Variants in ABCC1 observed in about 807,000 individuals in gnomAD.
ABCC1 encodes multidrug resistance-associated protein 1.
ABCC1 carries 83 observed loss-of-function variants against 172.9 expected under a neutral mutation model. The observed-to-expected ratio is 0.48, with a 90% confidence interval of 0.40 to 0.58. ABCC1 has a LOEUF of 0.58. Ranked by LOEUF, ABCC1 falls within the 20% of genes least tolerant of loss-of-function variation. The pLI, the probability that ABCC1 is intolerant of heterozygous loss-of-function variation, is 0.00. For synonymous variants in ABCC1, 937 were observed against 825.2 expected (o/e 1.14, Z -2.32); for missense variants, 1,817 against 2,002.7 (o/e 0.91, Z 1.77).
At chr16:16,128,775 G>A (rs1485643990) in intron 26 of ABCC1, among the ~76,000 whole-genome samples, 1 of 152,160 alleles carries the variant, frequency 6.6e-6, no homozygotes, top group Non-Finnish European at 1.5e-5. Context: ...AAGGTGGGTG[G>A]ATCACTTGAA....
chr16:16,075,085 C>G (rs1014178111), intron 14 of ABCC1, among the ~76,000 whole-genome samples: 6 of 151,834 alleles, frequency 4.0e-5, no homozygotes, highest in African/African-American at 1.4e-4. Context: ...GCTGGGACTA[C>G]AGGCATGCGC....
chr16:16,095,537 G>C (rs1338041429), intron 19 of ABCC1, among the ~76,000 whole-genome samples: 2 of 152,112 alleles, frequency 1.3e-5, no homozygotes, highest in Non-Finnish European at 2.9e-5. Context: ...CCCGTGACAG[G>C]GAATCCCCTT....
intron 19 of ABCC1, among the ~76,000 whole-genome samples, chr16:16,102,150 C>G (rs1228504864): frequency 6.6e-6 from 1 of 152,212 alleles, no homozygotes. Context: ...CTACAGGGGT[C>G]TCCGGGCCTC....
At chr16:16,094,215 C>T (rs76641645) in intron 19 of ABCC1, 6,641 of 275,270 alleles carry the variant, frequency 0.024, 135 homozygotes, top group Admixed American at 0.061. Context: ...GGTCCGGCGA[C>T]GCAACTTAGG....
At chr16:15,956,191 T>C (rs947869261) in intron 1 of ABCC1, among the ~76,000 whole-genome samples, 4 of 151,946 alleles carry the variant, frequency 2.6e-5, no homozygotes, top group Non-Finnish European at 5.9e-5. Flanking sequence ...CTGGCCAACA[T>C]GGTAAAACCC....
intron 19 of ABCC1, among the ~76,000 whole-genome samples, chr16:16,099,307 A>G (rs2051622822): frequency 6.6e-6 from 1 of 152,222 alleles, no homozygotes; most frequent in African/African-American, 2.4e-5. Context: ...ACATGGGCCC[A>G]GACAATGCAG....
intron 12 of ABCC1, among the ~76,000 whole-genome samples, chr16:16,058,299 CTT>C (rs1385314616): frequency 6.6e-6 from 1 of 152,120 alleles, no homozygotes; most frequent in Non-Finnish European, 1.5e-5. Flanking sequence ...TTCTTTCTGT[CTT>C]TTTATTAACT....
At chr16:16,021,909 T>C (rs567576338) in intron 5 of ABCC1, among the ~76,000 whole-genome samples, 2 of 152,226 alleles carry the variant, frequency 1.3e-5, no homozygotes, top group Admixed American at 6.5e-5. Context: ...GCAACTCGAT[T>C]TGTTGTTGGC....
intron 17 of ABCC1, among the ~76,000 whole-genome samples, chr16:16,085,718 T>G (rs1379738181): frequency 6.6e-6 from 1 of 152,126 alleles, no homozygotes; most frequent in African/African-American, 2.4e-5. Context: ...AAGCGGAGAT[T>G]ACAGTGAGCT....
Position 16,141,313 on chromosome 16 carries a change from C to T in ABCC1, c.*32C>T, listed in dbSNP as rs1423337432. On this transcript the variant is annotated 3_prime_UTR_variant, in exon 31 of 31. Transcript: ENST00000399410. ...GAGCTGGCATATCTGGTCAGAACTGCAGGGCCTATATGCCAGCGCCCAGGG... is the reference window on the plus strand; with the variant it reads ...GAGCTGGCATATCTGGTCAGAACTGTAGGGCCTATATGCCAGCGCCCAGGG... The T allele has an allele frequency of 1.2e-6, 2 of 1,601,170 alleles. No homozygotes were observed. Among genetic ancestry groups the T allele is most frequent in the African/African-American group, 2.7e-5 (2 of 74,666 alleles).
At chr16:16,084,660 C>T (rs544171660) in intron 17 of ABCC1, among the ~76,000 whole-genome samples, 164 of 148,860 alleles carry the variant, frequency 1.1e-3, no homozygotes, top group Middle Eastern at 3.4e-3. Flanking sequence ...GAGTCTCTCT[C>T]TGTCGCCCAG....
At chr16:16,103,318 G>A (rs545519743) in intron 20 of ABCC1, among the ~76,000 whole-genome samples, 2 of 152,308 alleles carry the variant, frequency 1.3e-5, no homozygotes, top group South Asian at 2.1e-4. Context: ...GGTGGCTCAT[G>A]CCTATAATCC....
chr16:15,984,949 A>T (rs1270708892), intron 1 of ABCC1, among the ~76,000 whole-genome samples: 2 of 151,820 alleles, frequency 1.3e-5, no homozygotes, highest in African/African-American at 4.8e-5. Context: ...CAAAAATCAC[A>T]AAAATTGGCT....
intron 19 of ABCC1, among the ~76,000 whole-genome samples, chr16:16,101,893 G>A (rs1044700439): frequency 6.6e-6 from 1 of 152,166 alleles, no homozygotes; most frequent in Admixed American, 6.6e-5. Flanking sequence ...TGTGTCCCTT[G>A]GTGTCCTTAT....
chr16:16,024,787 G>C (rs1481103363), intron 5 of ABCC1, among the ~76,000 whole-genome samples: 2 of 152,132 alleles, frequency 1.3e-5, no homozygotes, highest in Non-Finnish European at 2.9e-5. Flanking sequence ...TGGACATGGG[G>C]GTGAGGTCGG....
chr16:15,968,470 G>A (rs11865161), intron 1 of ABCC1, among the ~76,000 whole-genome samples: 18,798 of 151,874 alleles, frequency 0.12, 1,298 homozygotes, highest in Middle Eastern at 0.15. Context: ...TGCAGGTGGC[G>A]TGATCTCTGC....
In ABCC1 at chr16:16,076,212, C is replaced by T. The variant is rs958146047; in HGVS notation, c.1913-114C>T. 3.2e-5 allele frequency: 32 copies of T among 989,026 alleles called. 1 individual carries two copies. The East Asian group carries it at 3.4e-4, about 10-fold the overall frequency. 61.3% of individuals were successfully genotyped at this position (989,026 alleles called of 1,614,324 possible). ...GATGTCACCAGATAATAATGCCTAG[C>T]GCCATTCGTGCCAAGCGTCTGGGGT... On this transcript the variant is annotated intron_variant, in intron 14 of 30. Transcript: ENST00000399410.
intron 24 of ABCC1, among the ~76,000 whole-genome samples, chr16:16,123,099 C>T (rs765378598): frequency 6.6e-6 from 1 of 152,202 alleles, no homozygotes; most frequent in Non-Finnish European, 1.5e-5. Context: ...CACTCTAATC[C>T]CATAGCGTAA....
intron 5 of ABCC1, among the ~76,000 whole-genome samples, chr16:16,024,914 C>T (rs1467573267): frequency 6.6e-6 from 1 of 152,120 alleles, no homozygotes; most frequent in Non-Finnish European, 1.5e-5. Context: ...GTGCGTGGCT[C>T]ACACCTGTAG....
Sources: gnomAD v4.1 joint callset for allele counts (sites outside exome capture counted in the v4.1 genomes callset) on GRCh38, gnomAD v4.1.1 for gene constraint, MANE v1.5 for transcripts, NCBI Gene and HGNC (gene_info 2026-07-23, HGNC 2026-07-21) for gene names.